The following MAN2A1 variants were observed in gnomAD, a reference collection of about 807,000 sequenced individuals.
MAN2A1 encodes alpha-mannosidase 2.
A neutral mutation model predicts 142.6 loss-of-function variants in MAN2A1; 76 were observed. That is an observed-to-expected ratio of 0.53 (90% confidence interval 0.44 to 0.65). The LOEUF is 0.65. Ranked by LOEUF, MAN2A1 falls within the 30% of genes least tolerant of loss-of-function variation. The probability of loss-of-function intolerance (pLI) is 0.00; values close to 1 mark genes in which losing one functional copy is unlikely to be tolerated. For missense variants in MAN2A1, 1,311 were observed against 1,365.1 expected, an observed-to-expected ratio of 0.96 and a Z score of 0.62; for synonymous variants, 559 against 473.2, an observed-to-expected ratio of 1.18 and a Z score of -2.35.
At chr5:109,857,977 T>C (rs182122261) in intron 20 of MAN2A1, among the ~76,000 whole-genome samples, 101 of 152,302 alleles carry the variant, frequency 6.6e-4, no homozygotes, top group African/African-American at 2.3e-3. Flanking sequence ...CGAAATCCTA[T>C]TGTGAAAGCC....
chr5:109,829,240 CAAAA>C (rs573389047), intron 16 of MAN2A1, among the ~76,000 whole-genome samples: 1 of 151,986 alleles, frequency 6.6e-6, no homozygotes, highest in Non-Finnish European at 1.5e-5. Flanking sequence ...GATTAGGAAA[CAAAA>C]AGAAGTCAGG....
At chr5:109,843,728 A>C (rs965901249) in intron 17 of MAN2A1, among the ~76,000 whole-genome samples, 1 of 150,080 alleles carries the variant, frequency 6.7e-6, no homozygotes, top group Non-Finnish European at 1.5e-5. Context: ...TGATTTATAC[A>C]ATCTTATCAG....
chr5:109,790,535 G>T (rs1205382379), intron 12 of MAN2A1, among the ~76,000 whole-genome samples: 1 of 151,942 alleles, frequency 6.6e-6, no homozygotes, highest in Non-Finnish European at 1.5e-5. Flanking sequence ...GGAGCTTTCA[G>T]ATTGCCAGGT....
At position 109,817,342 on chromosome 5, in the gene MAN2A1, G is replaced by A. The variant is rs141536345; in HGVS notation, c.2013G>A (p.Pro671=). Residue 671 remains proline (P), a synonymous_variant, in exon 13 of 22, where the codon CCG becomes CCA. Coordinates refer to ENST00000261483, the MANE Select transcript of MAN2A1 (RefSeq NM_002372.4). ...TGGTCTCAGTCTATGTGAGTTCCCC[G>A]ACAGTGCAAGTGTTCTCTGCTTCAG... ...ISLVSVYVSS[P]TVQVFSASGK... 1.7e-4 allele frequency: 272 copies of A among 1,614,054 alleles called. No individual in the cohort carries two copies. In the South Asian group the frequency reaches 2.2e-3, roughly 13 times the overall value.
chr5:109,735,074 T>A (rs544692249), intron 4 of MAN2A1, among the ~76,000 whole-genome samples: 1 of 151,844 alleles, frequency 6.6e-6, no homozygotes, highest in South Asian at 2.1e-4. Context: ...GGTGCATGTA[T>A]ATTTAGGATA....
intron 1 of MAN2A1, among the ~76,000 whole-genome samples, chr5:109,692,446 T>C (rs915968672): frequency 2.0e-5 from 3 of 152,158 alleles, no homozygotes; most frequent in Non-Finnish European, 4.4e-5. Context: ...CTCAAGCAGA[T>C]AGACATTCTA....
At position 109,766,823 on chromosome 5, in the gene MAN2A1, G is replaced by A. The variant is rs1354172212; in HGVS notation, c.836-712G>A. On this transcript the variant is annotated intron_variant, in intron 5 of 21. Coordinates refer to ENST00000261483, the MANE Select transcript of MAN2A1 (RefSeq NM_002372.4). ...TAGATGAACAATCTTATTCTAACCA[G>A]TACATTTATTATCTTTTTCATTTTT... is the stretch of plus-strand genomic sequence containing the variant. Among the ~76,000 whole-genome samples, 4 of 152,052 alleles carry A rather than the reference G, an allele frequency of 2.6e-5. No individual in the cohort carries two copies. In the South Asian group the frequency reaches 8.3e-4, roughly 32 times the overall value.
chr5:109,855,407 G>A (rs1755582850), intron 20 of MAN2A1, 73 bp downstream of exon 20: 1 of 953,298 alleles, frequency 1.0e-6, no homozygotes, highest in Admixed American at 3.5e-5. Flanking sequence ...AAGGAAAGGA[G>A]AAAAAAATAA....
At chr5:109,827,038 A>G (rs1422243924) in intron 16 of MAN2A1, among the ~76,000 whole-genome samples, 1 of 152,236 alleles carries the variant, frequency 6.6e-6, no homozygotes, top group Non-Finnish European at 1.5e-5. Context: ...CTAGTTTTGG[A>G]TATATGCTAC....
At chr5:109,843,983 T>G (rs1266668038) in intron 17 of MAN2A1, among the ~76,000 whole-genome samples, 1 of 152,134 alleles carries the variant, frequency 6.6e-6, no homozygotes, top group Non-Finnish European at 1.5e-5. Context: ...CCTGCAAAAG[T>G]TAAATTTAAA....
chr5:109,740,772 G>A (rs1752246837), intron 4 of MAN2A1, among the ~76,000 whole-genome samples: 1 of 152,130 alleles, frequency 6.6e-6, no homozygotes, highest in South Asian at 2.1e-4. Flanking sequence ...TTCATGCAGG[G>A]CAGTTGCAGG....
chr5:109,698,819 A>G (rs772059516), intron 1 of MAN2A1, among the ~76,000 whole-genome samples: 6 of 152,146 alleles, frequency 3.9e-5, no homozygotes, highest in Admixed American at 2.0e-4. Context: ...AAATAATTCA[A>G]ATGACATAGA....
chr5:109,831,260 T>C (rs770107801), intron 16 of MAN2A1, among the ~76,000 whole-genome samples: 166 of 152,318 alleles, frequency 1.1e-3, no homozygotes, highest in Non-Finnish European at 2.2e-3. Context: ...TAGTGAGTGT[T>C]GTATCTACTT....
chr5:109,866,768 A>G, intron 21 of MAN2A1, 78 bp from the exon 22 acceptor site: 1 of 932,556 alleles, frequency 1.1e-6, no homozygotes, highest in South Asian at 1.8e-5. Context: ...TCTCATACTA[A>G]TTTTCACAGA....
At chr5:109,771,712 G>A (rs1470142249) in intron 7 of MAN2A1, among the ~76,000 whole-genome samples, 1 of 152,122 alleles carries the variant, frequency 6.6e-6, no homozygotes, top group Admixed American at 6.5e-5. Context: ...AAAAGGAAGG[G>A]TTGAGTGTGG....
At chr5:109,698,700 T>C (rs530170225) in intron 1 of MAN2A1, among the ~76,000 whole-genome samples, 10 of 152,362 alleles carry the variant, frequency 6.6e-5, no homozygotes, top group African/African-American at 1.9e-4. Flanking sequence ...CCCTGTCCTA[T>C]GTTCTTGCTG....
intron 4 of MAN2A1, among the ~76,000 whole-genome samples, chr5:109,741,771 C>A (rs1752274336): frequency 6.6e-6 from 1 of 152,150 alleles, no homozygotes; most frequent in Admixed American, 6.6e-5. Flanking sequence ...AAGTGAAAAT[C>A]TAGTTAACTA....
intron 5 of MAN2A1, among the ~76,000 whole-genome samples, chr5:109,763,493 T>TA (rs578183502): frequency 6.9e-4 from 104 of 151,500 alleles, no homozygotes; most frequent in African/African-American, 2.4e-3. Flanking sequence ...CTTTTTTTTT[T>TA]ATTTTTAAGT....
At chr5:109,816,386 C>A (rs992133342) in intron 12 of MAN2A1, among the ~76,000 whole-genome samples, 11 of 152,126 alleles carry the variant, frequency 7.2e-5, no homozygotes, top group Admixed American at 5.9e-4. Context: ...CAAATATTGC[C>A]TAAACTTATT....
Sources: allele counts gnomAD v4.1 joint callset (sites outside exome capture counted in the v4.1 genomes callset), GRCh38; gene constraint gnomAD v4.1.1; transcripts MANE v1.5; gene names NCBI Gene and HGNC (gene_info 2026-07-23, HGNC 2026-07-21).